The following PHTF2 variants were observed in gnomAD, a reference collection of about 807,000 sequenced individuals.
The protein encoded by PHTF2 is protein PHTF2.
A neutral mutation model predicts 101.2 loss-of-function variants in PHTF2; 60 were observed. The observed-to-expected ratio is 0.59, with a 90% CI of 0.48 to 0.73. PHTF2 has a LOEUF of 0.73. PHTF2 is among the 30% of genes least tolerant of loss of function. The pLI is 0.00. For synonymous variants in PHTF2, 311 were observed against 307.3 expected (o/e 1.01, Z -0.13); for missense variants, 747 against 908.7 (o/e 0.82, Z 2.29).
At chr7:77,932,677 A>G (rs1331776567) in intron 12 of PHTF2, among the ~76,000 whole-genome samples, 1 of 150,926 alleles carries the variant, frequency 6.6e-6, no homozygotes, top group Admixed American at 6.6e-5. Context: ...TGAACACATC[A>G]AAACAATCAT....
At chr7:77,922,552 AT>A in intron 10 of PHTF2, 70 bp from the exon 10 acceptor site, 14 of 1,302,804 alleles carry the variant, frequency 1.1e-5, no homozygotes, top group Non-Finnish European at 1.5e-5. Flanking sequence ...GTAATTTCAA[AT>A]TTCATAGTTT....
At chr7:77,925,736 C>T (rs1207012368) in intron 11 of PHTF2, among the ~76,000 whole-genome samples, 1 of 151,970 alleles carries the variant, frequency 6.6e-6, no homozygotes, top group Non-Finnish European at 1.5e-5. Context: ...CGTGAGCCAC[C>T]ACTCCCAGCC....
chr7:77,871,288 C>G (rs972650230), intron 3 of PHTF2, among the ~76,000 whole-genome samples: 1 of 152,306 alleles, frequency 6.6e-6, no homozygotes, highest in South Asian at 2.1e-4. Flanking sequence ...TCCATGAATA[C>G]TCTTCCTTAC....
chr7:77,856,293 G>C (rs1018989800), intron 3 of PHTF2, among the ~76,000 whole-genome samples: 4 of 152,030 alleles, frequency 2.6e-5, no homozygotes, highest in Non-Finnish European at 5.9e-5. Context: ...AGGTCTGTGG[G>C]CTCCACATCT....
intron 12 of PHTF2, among the ~76,000 whole-genome samples, chr7:77,934,588 A>T (rs1237823690): frequency 6.6e-6 from 1 of 152,252 alleles, no homozygotes; most frequent in Admixed American, 6.5e-5. Flanking sequence ...TAGAAGTTCT[A>T]AATTTTTGGA....
intron 7 of PHTF2, among the ~76,000 whole-genome samples, chr7:77,904,044 A>T (rs1468834668): frequency 6.6e-6 from 1 of 152,086 alleles, no homozygotes; most frequent in Non-Finnish European, 1.5e-5. Context: ...CTGCCAGGAA[A>T]CCTCATATCA....
At position 77,908,971 on chromosome 7, in the gene PHTF2, A is replaced by T. The variant is rs1281224242; in HGVS notation, c.611+13A>T. ...GTAAAAGAAGAAGGTACTGTTTTTTAAAAAGTAATCTTTTTGTACATTTAT... is the reference window on the plus strand; with the variant it reads ...GTAAAAGAAGAAGGTACTGTTTTTTTAAAAGTAATCTTTTTGTACATTTAT... On this transcript the variant is annotated intron_variant, in intron 8 of 19. Coordinates refer to ENST00000416283, the Ensembl canonical transcript of PHTF2. 1.3e-6 allele frequency: 2 copies of T among 1,560,298 alleles called. No individual in the cohort carries two copies. The highest frequency in any genetic ancestry group is 8.7e-7 in the Non-Finnish European group (1 of 1,145,840).
At chr7:77,876,795 A>G (rs958180033) in intron 3 of PHTF2, among the ~76,000 whole-genome samples, 2 of 152,240 alleles carry the variant, frequency 1.3e-5, no homozygotes, top group Non-Finnish European at 2.9e-5. Flanking sequence ...AGTTGCAGCT[A>G]CGCAGGAGGC....
At chr7:77,855,171 TAGTCAGCAGGTGATG>T (rs1484932522) in intron 3 of PHTF2, among the ~76,000 whole-genome samples, 1 of 152,180 alleles carries the variant, frequency 6.6e-6, no homozygotes, top group East Asian at 1.9e-4. Flanking sequence ...AAGGGGTCTT[TAGTCAGCAGGTGATG>T]AATCATGCCA....
At chr7:77,837,137 A>G (rs1172760188) in intron 1 of PHTF2, among the ~76,000 whole-genome samples, 2 of 152,212 alleles carry the variant, frequency 1.3e-5, no homozygotes, top group African/African-American at 4.8e-5. Flanking sequence ...ATTATGCATC[A>G]TAATACCCAT....
intron 1 of PHTF2, among the ~76,000 whole-genome samples, chr7:77,833,517 T>C (rs1223542261): frequency 1.3e-5 from 2 of 152,148 alleles, no homozygotes; most frequent in Non-Finnish European, 2.9e-5. Context: ...ATCCCAGCAC[T>C]TGGGGAGGCT....
At chr7:77,929,420 T>G in intron 12 of PHTF2, 93 bp downstream of exon 11, 1 of 650,952 alleles carries the variant, frequency 1.5e-6, no homozygotes, top group Non-Finnish European at 2.7e-6. Flanking sequence ...AAGCTTACAT[T>G]CAAGCTTATA....
intron 5 of PHTF2, chr7:77,895,264 A>C (rs1321648889): frequency 2.9e-5 from 11 of 378,042 alleles, no homozygotes. Context: ...AGGAATGAGT[A>C]GATTTCTGTT....
intron 18 of PHTF2, 23 bp downstream of exon 17, chr7:77,951,735 T>C (rs1254881002): frequency 1.0e-6 from 1 of 968,752 alleles, no homozygotes; most frequent in Non-Finnish European, 1.6e-6. Context: ...CTGAAAATGG[T>C]TATAATGTCA....
At chr7:77,916,558 A>G (rs528594473) in intron 9 of PHTF2, among the ~76,000 whole-genome samples, 2 of 152,062 alleles carry the variant, frequency 1.3e-5, no homozygotes, top group Non-Finnish European at 2.9e-5. Flanking sequence ...TGTCTCTCTT[A>G]AAAACAAAAC....
At chr7:77,954,305 T>C (rs1806794066) in intron 19 of PHTF2, among the ~76,000 whole-genome samples, 1 of 152,010 alleles carries the variant, frequency 6.6e-6, no homozygotes, top group South Asian at 2.1e-4. Context: ...GGCCAATTTT[T>C]GTATTTTTAG....
At chr7:77,812,113 C>A (rs529873100) in intron 1 of PHTF2, among the ~76,000 whole-genome samples, 1 of 152,148 alleles carries the variant, frequency 6.6e-6, no homozygotes, top group South Asian at 2.1e-4. Flanking sequence ...AGAAAAAGAA[C>A]CTGGATGGTG....
intron 11 of PHTF2, among the ~76,000 whole-genome samples, chr7:77,924,411 A>G (rs992348094): frequency 5.9e-5 from 9 of 152,188 alleles, no homozygotes; most frequent in African/African-American, 2.2e-4. Context: ...TTCTTGAAGA[A>G]GTGGCTGATT....
At chr7:77,877,411 T>C (rs1799043818) in intron 3 of PHTF2, among the ~76,000 whole-genome samples, 2 of 152,162 alleles carry the variant, frequency 1.3e-5, no homozygotes, top group Non-Finnish European at 2.9e-5. Flanking sequence ...CCAATAATGA[T>C]CTTTTCTTTC....
Sources: gnomAD v4.1 joint callset for allele counts (sites outside exome capture counted in the v4.1 genomes callset) on GRCh38, gnomAD v4.1.1 for gene constraint, MANE v1.5 for transcripts, NCBI Gene and HGNC (gene_info 2026-07-23, HGNC 2026-07-21) for gene names.